SHCBP1: variants seen among roughly 807,000 people sequenced by gnomAD.
SHCBP1 encodes the protein SHC binding and spindle associated 1, also known as SHC SH2 domain-binding protein 1.
Under a neutral mutation model 75.1 loss-of-function variants are expected in SHCBP1, and 60 were observed. The observed-to-expected ratio is 0.80, with a 90% confidence interval of 0.65 to 0.99. The LOEUF is 0.99. Among genes scored for constraint, SHCBP1 ranks in the 50% least tolerant of loss-of-function variants. The pLI, the probability that SHCBP1 is intolerant of heterozygous loss-of-function variation, is 0.00. For synonymous variants in SHCBP1, 290 were observed against 293.2 expected, an observed-to-expected ratio of 0.99 and a Z score of 0.11; for missense variants, 709 against 809.4, an observed-to-expected ratio of 0.88 and a Z score of 1.50.
intron 9 of SHCBP1, 42 bp downstream of exon 9, chr16:46,599,789 A>G: frequency 2.6e-6 from 4 of 1,538,546 alleles, no homozygotes; most frequent in Non-Finnish European, 3.5e-6. Context: ...GTTTACCTTC[A>G]AATCTTAGAA....
Position 46,581,862 on chromosome 16 carries a change from T to C in SHCBP1, c.1886A>G (p.Lys629Arg), listed in dbSNP as rs965138116. Residue 629 changes from lysine to arginine, a missense_variant, in exon 13 of 13, where the codon AAG becomes AGG. Coordinates refer to ENST00000303383, the MANE Select transcript of SHCBP1 (RefSeq NM_024745.5). The part of the protein sequence containing the change: ...IAASTQKGQI[K>R]KKRLSELGIT... ...CCCCAGTTCACTCAACCTTTTCTTCTTTATCTGGCCTTTCTGTGTGGAGGC... is the reference window on the plus strand; with the variant it reads ...CCCCAGTTCACTCAACCTTTTCTTCCTTATCTGGCCTTTCTGTGTGGAGGC... 1.2e-6 allele frequency: 2 copies of C among 1,614,180 alleles called. No homozygotes were observed. Among genetic ancestry groups the C allele is most frequent in the Non-Finnish European group, 8.5e-7 (1 of 1,180,022 alleles).
intron 9 of SHCBP1, among the ~76,000 whole-genome samples, chr16:46,596,321 C>T (rs182602690): frequency 1.3e-5 from 2 of 151,964 alleles, no homozygotes; most frequent in African/African-American, 2.4e-5. Context: ...ACCTGGCCAA[C>T]ATGGTGAAAA....
At chr16:46,606,606 A>T (rs994934362) in intron 5 of SHCBP1, among the ~76,000 whole-genome samples, 1 of 152,242 alleles carries the variant, frequency 6.6e-6, no homozygotes, top group Non-Finnish European at 1.5e-5. Flanking sequence ...ATGTCAATCA[A>T]AATCAATCAT....
intron 4 of SHCBP1, among the ~76,000 whole-genome samples, chr16:46,611,103 C>T (rs1246844341): frequency 6.6e-6 from 1 of 152,098 alleles, no homozygotes; most frequent in East Asian, 1.9e-4. Flanking sequence ...CCCAAAGATG[C>T]GCACATGAGG....
chr16:46,618,276 A>G lies in SHCBP1; in HGVS notation c.200T>C (p.Phe67Ser), dbSNP rs146004470. The G allele has an allele frequency of 8.1e-4, 1,311 of 1,613,480 alleles. 3 individuals are homozygous for G. The highest frequency in any genetic ancestry group is 1.0e-3 in the Non-Finnish European group (1,188 of 1,179,798). ...TTGATTTGTTTGGAAAATTTCTGGG[A>G]AAAAGGTTTTTCCTTCTGGCATAAA... ...QSFMPEGKTF[F>S]PEIFQTNQLL... is the part of the protein sequence containing the mutation. The change falls in exon 2 of 13, where the codon TTC (phenylalanine) becomes TCC (serine). Residue 67 changes from phenylalanine to serine, a missense_variant. Physicochemically the swap from Phe to Ser is radical, Grantham distance 155. Coordinates refer to ENST00000303383, the MANE Select transcript of SHCBP1 (RefSeq NM_024745.5).
intron 10 of SHCBP1, among the ~76,000 whole-genome samples, chr16:46,592,964 A>AAAAAAAAAAAAAAAAAAAAAAAAAAG (rs1965072892): frequency 6.9e-6 from 1 of 144,590 alleles, no homozygotes; most frequent in African/African-American, 2.6e-5. Flanking sequence ...AAAAAAAAAA[A>AAAAAAAAAAAAAAAAAAAAAAAAAAG]AAAAAAAAAA....
At position 46,616,337 on chromosome 16, in the gene SHCBP1, GGAGATCAACAAACACAATGATAACCAGT is replaced by G. The variant is rs1418614602; in HGVS notation, c.388-211_388-184del. Among the ~76,000 whole-genome samples the G allele has an allele frequency of 6.6e-6, 1 of 152,116 alleles. No individual in the cohort carries two copies. The highest frequency in any genetic ancestry group is 1.5e-5 in the Non-Finnish European group (1 of 68,012). The stretch of plus-strand genomic sequence containing the variant: ...CTCATGGAGCTTACACTGTAATCAG[GGAGATCAACAAACACAATGATAACCAGT>G]AGGTGACAGAGAATAACTAGCAGGG... On this transcript the variant is annotated intron_variant, in intron 3 of 12. Coordinates refer to ENST00000303383, the MANE Select transcript of SHCBP1 (RefSeq NM_024745.5). This position sits in a 1 kb window ranked among gnomAD's most constrained non-coding sequence, Gnocchi z 4.4.
intron 9 of SHCBP1, among the ~76,000 whole-genome samples, chr16:46,596,890 G>A (rs1050080440): frequency 1.3e-5 from 2 of 150,720 alleles, no homozygotes; most frequent in African/African-American, 4.9e-5. Flanking sequence ...ACCACACCTG[G>A]CTAGTTTTTG....
At chr16:46,589,410 C>T (rs767297147) in intron 10 of SHCBP1, among the ~76,000 whole-genome samples, 2 of 152,076 alleles carry the variant, frequency 1.3e-5, no homozygotes, top group South Asian at 2.1e-4. Context: ...GACATGATTG[C>T]ATATCTAGAA....
At chr16:46,604,696 ACTTT>A (rs1965298976) in intron 5 of SHCBP1, among the ~76,000 whole-genome samples, 3 of 152,156 alleles carry the variant, frequency 2.0e-5, no homozygotes, top group African/African-American at 4.8e-5. Flanking sequence ...AGGAGTTTTT[ACTTT>A]CTTTCTTGGA....
chr16:46,616,917 C>T lies in SHCBP1; in HGVS notation c.387+717G>A, dbSNP rs1012448059. Among the ~76,000 whole-genome samples the T allele has an allele frequency of 3.9e-5, 6 of 152,142 alleles. No individual in the cohort carries two copies. Among genetic ancestry groups the T allele is most frequent in the African/African-American group, 1.4e-4 (6 of 41,426 alleles). On this transcript the variant is annotated intron_variant, in intron 3 of 12. Coordinates refer to ENST00000303383, the MANE Select transcript of SHCBP1 (RefSeq NM_024745.5). The surrounding 1 kb of genome is among the most constrained non-coding windows in gnomAD (Gnocchi z 4.4). ...CACAAGCAATAGCTGCAATCCACTG[C>T]CTTGTACATAATCACTGTAGTATGT... is the stretch of plus-strand genomic sequence containing the variant.
Position 46,608,326 on chromosome 16 carries a change from A to G in SHCBP1, c.660T>C (p.Phe220=). ...TTAATCGAGGTTCAACACATCTGAC[A>G]AAATAATCGTATTCATCCTCCTCTT... ...DEEEEDEYDY[F]VRCVEPRLRL... Residue 220 remains phenylalanine, a synonymous_variant, in exon 5 of 13, where the codon TTT becomes TTC. Coordinates refer to ENST00000303383, the MANE Select transcript of SHCBP1 (RefSeq NM_024745.5). The G allele has an allele frequency of 6.2e-7, 1 of 1,613,830 alleles. No homozygotes were observed. Among genetic ancestry groups the G allele is most frequent in the South Asian group, 1.1e-5 (1 of 91,072 alleles).
At chr16:46,613,809 C>T (rs540293006) in intron 4 of SHCBP1, among the ~76,000 whole-genome samples, 19 of 152,298 alleles carry the variant, frequency 1.2e-4, no homozygotes, top group African/African-American at 3.9e-4. Context: ...CATACCCCAT[C>T]CTTGACTAAG....
intron 9 of SHCBP1, among the ~76,000 whole-genome samples, chr16:46,597,986 T>C (rs1965169687): frequency 6.6e-6 from 1 of 152,234 alleles, no homozygotes; most frequent in South Asian, 2.1e-4. Context: ...AATTTTGTTA[T>C]AAGATTGTAG....
In SHCBP1 at chr16:46,618,229, T is replaced by C. The variant is rs1423549063; in HGVS notation, c.247A>G (p.Arg83Gly). 6 of 1,608,318 alleles carry C rather than the reference T, an allele frequency of 3.7e-6. No homozygotes were observed. The South Asian group carries it at 5.6e-5, about 15-fold the overall frequency. The change falls in exon 2 of 13, where the codon AGA becomes GGA. Residue 83 changes from arginine to glycine, a missense_variant. Physicochemically the swap from Arg to Gly is moderately radical, Grantham distance 125 (BLOSUM62 -2). Transcript: ENST00000303383. Reference sequence around the variant, plus strand: ...CCTAAAATGTAATCTTGATAGGCTCTGAATCGCTCATAGAACAAAAGTTGA... The same window carrying C: ...CCTAAAATGTAATCTTGATAGGCTCCGAATCGCTCATAGAACAAAAGTTGA... ...TNQLLFYERF[R>G]AYQDYILADC...
At chr16:46,598,064 C>T (rs1965171115) in intron 9 of SHCBP1, among the ~76,000 whole-genome samples, 1 of 152,338 alleles carries the variant, frequency 6.6e-6, no homozygotes, top group South Asian at 2.1e-4. Context: ...ATTTCCACCA[C>T]ATCTGCAGTT....
intron 12 of SHCBP1, among the ~76,000 whole-genome samples, chr16:46,583,270 TAAG>T (rs1034878761): frequency 2.8e-4 from 42 of 152,274 alleles, no homozygotes; most frequent in African/African-American, 9.6e-4. Context: ...CTAACCATGA[TAAG>T]AAGGGAACTG....
At chr16:46,604,204 T>C in intron 6 of SHCBP1, 24 bp downstream of exon 6, 1 of 1,613,024 alleles carries the variant, frequency 6.2e-7, no homozygotes, top group South Asian at 1.1e-5. Flanking sequence ...GCTGACTAAC[T>C]AAGAATTACA....
At position 46,616,231 on chromosome 16, in the gene SHCBP1, GAT is replaced by G. The variant is rs1218090286; in HGVS notation, c.388-79_388-78del. On this transcript the variant is annotated intron_variant, in intron 3 of 12. Transcript: ENST00000303383. The surrounding 1 kb of genome is among the most constrained non-coding windows in gnomAD (Gnocchi z 4.4). The stretch of plus-strand genomic sequence containing the variant: ...ACCTATAAGACACTACTGACAACCT[GAT>G]TTTTTTAAAAGCATACAACATGGGT... 6.9e-7 allele frequency: 1 copy of G among 1,443,050 alleles called. No individual in the cohort carries two copies. Among genetic ancestry groups the G allele is most frequent in the African/African-American group, 1.4e-5 (1 of 70,630 alleles). The allele number at this position is 1,443,050 out of a possible 1,614,324, so 89.4% of individuals were successfully genotyped here.
Sources: gnomAD v4.1 joint callset for allele counts (sites outside exome capture counted in the v4.1 genomes callset) on GRCh38, gnomAD v4.1.1 for gene constraint, Gnocchi (gnomAD v3.1) non-coding constraint, MANE v1.5 for transcripts, NCBI Gene and HGNC (gene_info 2026-07-23, HGNC 2026-07-21) for gene names.